BSND: variants seen among roughly 807,000 people sequenced by gnomAD.
BSND encodes the protein barttin CLCNK type accessory subunit beta, also known as barttin.
BSND carries 13 observed loss-of-function variants against 18.8 expected under a neutral mutation model. The ratio of observed to expected loss-of-function variants is 0.69; its 90% CI spans 0.45 to 1.10. The LOEUF (loss-of-function observed/expected upper bound fraction) is 1.10, where lower values mean the gene tolerates loss of function less well. BSND is among the 50% of genes least tolerant of loss of function. The probability of loss-of-function intolerance (pLI) is 0.00; values close to 1 mark genes in which losing one functional copy is unlikely to be tolerated. For missense variants in BSND, 379 were observed against 416.7 expected (o/e 0.91, Z 0.79); for synonymous variants, 170 against 161.8 (o/e 1.05, Z -0.39).
chr1:55,006,624 A>AT (rs1171395312), intron 2 of BSND, among the ~76,000 whole-genome samples: 1 of 152,156 alleles, frequency 6.6e-6, no homozygotes, highest in Non-Finnish European at 1.5e-5. Context: ...GCCTCAAGGC[A>AT]TTTTTTAGAA....
chr1:55,008,243 C>T lies in BSND; in HGVS notation c.578C>T (p.Pro193Leu), dbSNP rs1412610701. The stretch of plus-strand genomic sequence containing the variant: ...CTGGCCTGTCCCCAGGGCCCTGCCC[C>T]CTTGGCTTCCTTCCAAGATGACCTG... ...GPLACPQGPA[P>L]LASFQDDLDM... Residue 193 changes from proline to leucine, a missense_variant, in exon 4 of 4, where the codon CCC becomes CTC. Transcript: ENST00000651561. The T allele has an allele frequency of 6.2e-7, 1 of 1,614,080 alleles. No homozygotes were observed. Among genetic ancestry groups the T allele is most frequent in the East Asian group, 2.2e-5 (1 of 44,876 alleles).
At chr1:55,000,904 C>G (rs906386547) in intron 1 of BSND, among the ~76,000 whole-genome samples, 1 of 152,142 alleles carries the variant, frequency 6.6e-6, no homozygotes, top group Non-Finnish European at 1.5e-5. Context: ...TTCCTGCCCC[C>G]GCTCTTAAAT....
At chr1:55,005,147 A>G (rs1644383310) in intron 2 of BSND, 31 bp downstream of exon 2, 3 of 1,604,278 alleles carry the variant, frequency 1.9e-6, no homozygotes, top group African/African-American at 1.3e-5. Flanking sequence ...GGAGGGGAGG[A>G]GTAAGCCCCA....
chr1:55,014,636 T>C lies in BSND; in HGVS notation c.*6008T>C, dbSNP rs1644440790. Among the ~76,000 whole-genome samples, 1 of 152,134 alleles carries C rather than the reference T, an allele frequency of 6.6e-6. No homozygotes were observed. The highest frequency in any genetic ancestry group is 2.4e-5 in the African/African-American group (1 of 41,426). On this transcript the variant is annotated 3_prime_UTR_variant, in exon 4 of 4. Coordinates refer to ENST00000651561, the MANE Select transcript of BSND (RefSeq NM_057176.3). ...ATTCGAGCTTTGTATCGTCAGTGCT[T>C]CCAAGTGCCTGTCAATGGACCCAGC...
rs551968243 is a variant in BSND at position 55,015,844 on chromosome 1, C to T, written c.*7216C>T. Among the ~76,000 whole-genome samples the T allele has an allele frequency of 2.1e-4, 32 of 152,228 alleles. No homozygotes were observed. The highest frequency in any genetic ancestry group is 2.4e-4 in the African/African-American group (10 of 41,534). On this transcript the variant is annotated 3_prime_UTR_variant, in exon 4 of 4. Coordinates refer to ENST00000651561, the MANE Select transcript of BSND (RefSeq NM_057176.3). ...GGGGATCTGACCCCACCTGGAGAGT[C>T]GGCAGGAGCTTCTCAGAGAGGAACT...
Position 55,009,192 on chromosome 1 carries a change from C to G in BSND, c.*564C>G, listed in dbSNP as rs751245991. On this transcript the variant is annotated 3_prime_UTR_variant, in exon 4 of 4. Transcript: ENST00000651561. ...AAGCCTAGCCCCCCTGCCCATCTTG[C>G]GGCTCACACTCTTGCCCAAGCTGTT... The G allele has an allele frequency of 4.1e-5, 7 of 170,308 alleles. No individual in the cohort carries two copies. The East Asian group carries it at 1.1e-3, about 28-fold the overall frequency. 10.5% of individuals were successfully genotyped at this position (170,308 alleles called of 1,614,324 possible).
At chr1:55,004,962 G>C in intron 1 of BSND, 60 bp from the exon 2 acceptor site, 2 of 1,520,182 alleles carry the variant, frequency 1.3e-6, no homozygotes, top group Non-Finnish European at 1.8e-6. Flanking sequence ...ATTCCCTGAG[G>C]GGACAGTAGC....
In BSND at chr1:54,999,178, C is replaced by T; in HGVS notation, c.-9C>T. ...GGGGGTGTGCAGGCCAGGGACTGGC[C>T]AGGCAGCCATGGCTGACGAGAAGAC... On this transcript the variant is annotated 5_prime_UTR_variant, in exon 1 of 4. Coordinates refer to ENST00000651561, the MANE Select transcript of BSND (RefSeq NM_057176.3). The T allele has an allele frequency of 6.2e-7, 1 of 1,613,844 alleles. No homozygotes were observed. The highest frequency in any genetic ancestry group is 8.5e-7 in the Non-Finnish European group (1 of 1,180,026).
At chr1:54,999,970 T>C (rs569600532) in intron 1 of BSND, among the ~76,000 whole-genome samples, 42 of 152,168 alleles carry the variant, frequency 2.8e-4, no homozygotes, top group Non-Finnish European at 4.9e-4. Flanking sequence ...CTCAGCCTTA[T>C]GTGTAATTTA....
intron 2 of BSND, among the ~76,000 whole-genome samples, chr1:55,005,526 T>C (rs1445576616): frequency 6.6e-6 from 1 of 152,218 alleles, no homozygotes; most frequent in East Asian, 1.9e-4. Flanking sequence ...CTGCCTGACT[T>C]CCAGCAAGCT....
Position 54,999,020 on chromosome 1 carries a change from C to T in BSND, c.-167C>T. ...CCTCCAGCCCTGTTGAACTGGTGGG[C>T]CCAGGGACTGGAGCGGGATTGAAAG... is the stretch of plus-strand genomic sequence containing the variant. On this transcript the variant is annotated 5_prime_UTR_variant, in exon 1 of 4. Transcript: ENST00000651561. 1.3e-6 allele frequency: 1 copy of T among 776,810 alleles called. No homozygotes were observed. Among genetic ancestry groups the T allele is most frequent in the Non-Finnish European group, 2.1e-6 (1 of 487,098 alleles). 48.1% of individuals were successfully genotyped at this position (776,810 alleles called of 1,614,324 possible). A position where few individuals can be genotyped will look rare whatever the true frequency, so the allele number is the denominator to read the frequency against.
intron 1 of BSND, among the ~76,000 whole-genome samples, chr1:55,003,558 C>T (rs1351811836): frequency 2.6e-5 from 4 of 152,178 alleles, no homozygotes; most frequent in Non-Finnish European, 4.4e-5. Flanking sequence ...TTTCCTAGTG[C>T]AGACAAGTGT....
In BSND at chr1:55,008,222, C is replaced by A; in HGVS notation, c.557C>A (p.Ala186Asp). The A allele has an allele frequency of 6.2e-7, 1 of 1,614,062 alleles. No homozygotes were observed. Among genetic ancestry groups the A allele is most frequent in the Non-Finnish European group, 8.5e-7 (1 of 1,179,944 alleles). Residue 186 changes from alanine to aspartate, a missense_variant, in exon 4 of 4, where the codon GCC (alanine) becomes GAC (aspartate). Transcript: ENST00000651561. ...GGTCTTTGTCCCTGCAGCCCCCTGG[C>A]CTGTCCCCAGGGCCCTGCCCCCTTG... ...RLTQSWPGPL[A>D]CPQGPAPLAS...
In BSND at chr1:55,008,443, G is replaced by C. The variant is rs1288750386; in HGVS notation, c.778G>C (p.Glu260Gln). ...TGAGCCCCAAGAGGGGCAGCAGTGG[G>C]AAATAGCCCTGCCCAACAACTGGCA... Reference protein sequence around the residue: ...EDEPQEGQQWEIALPNNWQRY... With the variant: ...EDEPQEGQQWQIALPNNWQRY... The change falls in exon 4 of 4, where the codon GAA (glutamate) becomes CAA (glutamine). Residue 260 changes from glutamate (E) to glutamine (Q), a missense_variant. Physicochemically the swap from Glu to Gln is conservative, Grantham distance 29. Transcript: ENST00000651561. 1 of 1,614,066 alleles carries C rather than the reference G, an allele frequency of 6.2e-7. No homozygotes were observed. Among genetic ancestry groups the C allele is most frequent in the Non-Finnish European group, 8.5e-7 (1 of 1,180,010 alleles).
chr1:55,007,059 C>T lies in BSND; in HGVS notation c.335C>T (p.Pro112Leu). The change falls in exon 3 of 4, where the codon CCT (proline) becomes CTT (leucine). Residue 112 changes from proline (P) to leucine (L), a missense_variant. By Grantham distance (98) the Pro-to-Leu change is moderately conservative. Transcript: ENST00000651561. Reference protein sequence around the residue: ...WEEAAYDQSLPDFSHIQMKVM... With the variant: ...WEEAAYDQSLLDFSHIQMKVM... ...GAAGCCGCCTATGACCAGAGCCTGC[C>T]TGACTTCAGCCACATCCAGATGAAA... 6.2e-7 allele frequency: 1 copy of T among 1,614,226 alleles called. No individual in the cohort carries two copies. Among genetic ancestry groups the T allele is most frequent in the Non-Finnish European group, 8.5e-7 (1 of 1,180,048 alleles).
At chr1:55,008,115 G>A (rs1644400722) in intron 3 of BSND, 99 bp from the exon 4 acceptor site, 2 of 999,502 alleles carry the variant, frequency 2.0e-6, no homozygotes, top group Non-Finnish European at 3.1e-6. Context: ...CCGGGAAGGT[G>A]GATTATCCTA....
intron 2 of BSND, among the ~76,000 whole-genome samples, chr1:55,006,239 C>A (rs1291488512): frequency 1.3e-5 from 2 of 152,148 alleles, no homozygotes; most frequent in Non-Finnish European, 2.9e-5. Context: ...CGTCTCAGGG[C>A]CGGTTACTTG....
rs1198246005 is a variant in BSND at position 55,015,832 on chromosome 1, C to A, written c.*7204C>A. 6.6e-6 allele frequency among the ~76,000 whole-genome samples: 1 copy of A among 152,160 alleles called. No individual in the cohort carries two copies. The stretch of plus-strand genomic sequence containing the variant: ...GGGAAGCACGGCGGGGATCTGACCC[C>A]ACCTGGAGAGTCGGCAGGAGCTTCT... On this transcript the variant is annotated 3_prime_UTR_variant, in exon 4 of 4. Coordinates refer to ENST00000651561, the MANE Select transcript of BSND (RefSeq NM_057176.3).
intron 2 of BSND, among the ~76,000 whole-genome samples, chr1:55,006,280 C>T (rs1035109083): frequency 3.9e-5 from 6 of 152,126 alleles, no homozygotes; most frequent in Admixed American, 1.3e-4. Flanking sequence ...GTGGGGGCTC[C>T]GGCCACCCTG....
Sources: gnomAD v4.1 joint callset for allele counts (sites outside exome capture counted in the v4.1 genomes callset) on GRCh38, gnomAD v4.1.1 for gene constraint, MANE v1.5 for transcripts, NCBI Gene and HGNC (gene_info 2026-07-23, HGNC 2026-07-21) for gene names.